Variants in FSTL5 observed in about 807,000 individuals in gnomAD.
The protein encoded by FSTL5 is follistatin-related protein 5.
In FSTL5, 62 loss-of-function variants were observed where a neutral mutation model predicts 89.1. That is an observed-to-expected ratio of 0.70 (90% CI 0.57 to 0.86). The LOEUF (loss-of-function observed/expected upper bound fraction) is 0.86, where lower values mean the gene tolerates loss of function less well. FSTL5 is among the 40% of genes least tolerant of loss of function. FSTL5 has a pLI of 0.00. For synonymous variants in FSTL5, 383 were observed against 346.2 expected, an observed-to-expected ratio of 1.11 and a Z score of -1.18; for missense variants, 1,057 against 1,001.6, an observed-to-expected ratio of 1.06 and a Z score of -0.75.
At chr4:162,060,434 TA>T (rs1456570683) in intron 2 of FSTL5, among the ~76,000 whole-genome samples, 7 of 152,034 alleles carry the variant, frequency 4.6e-5, no homozygotes, top group African/African-American at 1.7e-4. Flanking sequence ...ATGATTAGAA[TA>T]AAGTTAGTTT....
At chr4:162,094,428 CG>C (rs1426633525) in intron 2 of FSTL5, among the ~76,000 whole-genome samples, 3 of 152,030 alleles carry the variant, frequency 2.0e-5, no homozygotes, top group Non-Finnish European at 4.4e-5. Context: ...AAGGCATACA[CG>C]AGAATTTCAT....
chr4:161,949,158 C>T (rs931808735), intron 3 of FSTL5, among the ~76,000 whole-genome samples: 1 of 152,102 alleles, frequency 6.6e-6, no homozygotes, highest in African/African-American at 2.4e-5. Flanking sequence ...CCTTCAAATA[C>T]TCTCTGTTCT....
intron 3 of FSTL5, among the ~76,000 whole-genome samples, chr4:161,984,667 T>C (rs1256773082): frequency 6.6e-6 from 1 of 152,138 alleles, no homozygotes; most frequent in Non-Finnish European, 1.5e-5. Context: ...TCCATTATTT[T>C]TAATTTACTT....
intron 4 of FSTL5, among the ~76,000 whole-genome samples, chr4:161,854,604 A>C (rs1186926432): frequency 3.3e-5 from 5 of 152,196 alleles, no homozygotes; most frequent in Non-Finnish European, 2.9e-5. Context: ...AATTTTGTAG[A>C]TTCTTTAGTC....
rs755965002 is a variant in FSTL5, at chr4:161,470,749, T to G, written c.1608+10271A>C. On this transcript the variant is annotated intron_variant, in intron 13 of 15. Coordinates refer to ENST00000306100, the MANE Select transcript of FSTL5 (RefSeq NM_020116.5). ...AACATAGGTTGTTTTCCCATTTATATATCTCCTTTAATTTCTTTCAGCAAT... is the reference window on the plus strand; with the variant it reads ...AACATAGGTTGTTTTCCCATTTATAGATCTCCTTTAATTTCTTTCAGCAAT... 3.7e-4 allele frequency among the ~76,000 whole-genome samples: 56 copies of G among 152,190 alleles called. 1 individual carries two copies. Among genetic ancestry groups the G allele is most frequent in the Middle Eastern group, 3.2e-3 (1 of 316 alleles).
intron 2 of FSTL5, among the ~76,000 whole-genome samples, chr4:162,061,103 T>A (rs1176282970): frequency 1.3e-5 from 2 of 152,124 alleles, no homozygotes; most frequent in African/African-American, 4.8e-5. Context: ...CTTCTTTATG[T>A]ATGTTGGCTG....
chr4:161,784,895 A>AAC (rs373897304), intron 4 of FSTL5, among the ~76,000 whole-genome samples: 4 of 141,964 alleles, frequency 2.8e-5, no homozygotes, highest in South Asian at 4.4e-4. Context: ...TCCGTCTCAA[A>AAC]AAAAACAAAA....
At chr4:161,669,464 A>C (rs1737020289) in intron 6 of FSTL5, among the ~76,000 whole-genome samples, 1 of 152,188 alleles carries the variant, frequency 6.6e-6, no homozygotes, top group South Asian at 2.1e-4. Flanking sequence ...AATGGGGCAG[A>C]ATAGAGAGGC....
intron 1 of FSTL5, among the ~76,000 whole-genome samples, chr4:162,116,037 TC>T (rs140116179): frequency 0.048 from 7,308 of 152,158 alleles, 367 homozygotes; most frequent in East Asian, 0.27. Flanking sequence ...TGAAGCAAAA[TC>T]TCCAACATTA....
chr4:162,112,765 A>AC (rs771805234), intron 1 of FSTL5, among the ~76,000 whole-genome samples: 4 of 138,678 alleles, frequency 2.9e-5, no homozygotes, highest in Non-Finnish European at 4.6e-5. Context: ...CTCAAAGCTA[A>AC]CCGACACAAT....
intron 10 of FSTL5, among the ~76,000 whole-genome samples, chr4:161,532,035 T>C (rs1731429486): frequency 2.0e-5 from 3 of 151,716 alleles, no homozygotes; most frequent in Non-Finnish European, 4.4e-5. Flanking sequence ...AAACCCCGTC[T>C]CTACTAAAAA....
chr4:161,792,265 A>G (rs1160510003), intron 4 of FSTL5, among the ~76,000 whole-genome samples: 1 of 152,056 alleles, frequency 6.6e-6, no homozygotes, highest in Non-Finnish European at 1.5e-5. Context: ...TGGGCTTTGG[A>G]CAACAACAAG....
intron 3 of FSTL5, among the ~76,000 whole-genome samples, chr4:162,010,160 AAAC>A (rs1320858431): frequency 1.3e-5 from 2 of 152,070 alleles, no homozygotes; most frequent in Admixed American, 1.3e-4. Flanking sequence ...CACTATTTCA[AAAC>A]AACAAGGTTG....
Position 161,482,232 on chromosome 4 carries a change from T to C in FSTL5, c.1459-1063A>G, listed in dbSNP as rs186466003. 3.4e-3 allele frequency among the ~76,000 whole-genome samples: 522 copies of C among 151,996 alleles called. 3 individuals carry two copies. The highest frequency in any genetic ancestry group is 0.011 in the African/African-American group (471 of 41,470). ...TTGGGAGGCCGAGGCAGGAGAATGG[T>C]GTGAATCCAGGAGGCAGATCTTGCA... On this transcript the variant is annotated intron_variant, in intron 12 of 15. Transcript: ENST00000306100.
At chr4:162,158,247 A>G (rs1226535229) in intron 1 of FSTL5, among the ~76,000 whole-genome samples, 1 of 152,082 alleles carries the variant, frequency 6.6e-6, no homozygotes. Context: ...AGGAAACATT[A>G]TCTACTCTAT....
Position 162,111,406 on chromosome 4 carries a change from T to C in FSTL5, c.-10A>G. 1 of 1,592,082 alleles carries C rather than the reference T, an allele frequency of 6.3e-7. No individual in the cohort carries two copies. Among genetic ancestry groups the C allele is most frequent in the Non-Finnish European group, 8.6e-7 (1 of 1,166,798 alleles). On this transcript the variant is annotated 5_prime_UTR_variant, in exon 2 of 16. Transcript: ENST00000306100. ...ACCAGCACTTAAACATCCTTATTGC[T>C]TTTCACCTGTCAAAATTAAAATTGC...
In FSTL5 at chr4:161,699,478, G is replaced by A. The variant is rs1025217858; in HGVS notation, c.728-42984C>T. Reference sequence around the variant, plus strand: ...CGACTTCCATTCCTTGTATTTTCTAGAGACCACTGTGTTTAAGAAGTAGCA... The same window carrying A: ...CGACTTCCATTCCTTGTATTTTCTAAAGACCACTGTGTTTAAGAAGTAGCA... On this transcript the variant is annotated intron_variant, in intron 6 of 15. Coordinates refer to ENST00000306100, the MANE Select transcript of FSTL5 (RefSeq NM_020116.5). Among the ~76,000 whole-genome samples, 7 of 152,200 alleles carry A rather than the reference G, an allele frequency of 4.6e-5. No homozygotes were observed. The South Asian group carries it at 8.3e-4, about 18-fold the overall frequency.
In FSTL5 at chr4:161,918,467, T is replaced by TATA. The variant is rs1733898328; in HGVS notation, c.409+1934_409+1936dup. 1.3e-5 allele frequency among the ~76,000 whole-genome samples: 2 copies of TATA among 152,108 alleles called. 1 individual carries two copies. The highest frequency in any genetic ancestry group is 4.2e-4 in the South Asian group (2 of 4,816). On this transcript the variant is annotated intron_variant, in intron 4 of 15. Transcript: ENST00000306100. ...CAATAGATCTCATAAATATGTTTGGTATAAGCTCAAAGAACAAAAGTTCTT... is the reference window on the plus strand; with the variant it reads ...CAATAGATCTCATAAATATGTTTGGTATAATAAGCTCAAAGAACAAAAGTTCTT...
intron 4 of FSTL5, among the ~76,000 whole-genome samples, chr4:161,859,288 T>C (rs187384300): frequency 1.2e-4 from 18 of 152,320 alleles, no homozygotes; most frequent in Admixed American, 1.1e-3. Context: ...CCAATGCTAA[T>C]TTACAAACCT....
Sources: gnomAD v4.1 joint callset for allele counts (sites outside exome capture counted in the v4.1 genomes callset) on GRCh38, gnomAD v4.1.1 for gene constraint, MANE v1.5 for transcripts, NCBI Gene and HGNC (gene_info 2026-07-23, HGNC 2026-07-21) for gene names.